MOV10L1: variants seen among roughly 807,000 people sequenced by gnomAD.
MOV10L1 encodes the protein Mov10 like RNA helicase 1.
A neutral mutation model predicts 143.8 loss-of-function variants in MOV10L1; 110 were observed. The observed-to-expected ratio is 0.76, with a 90% CI of 0.66 to 0.90. MOV10L1 has a LOEUF of 0.90. Among genes scored for constraint, MOV10L1 ranks in the 40% least tolerant of loss-of-function variants. MOV10L1 has a pLI of 0.00. For synonymous variants in MOV10L1, 593 were observed against 581.1 expected (o/e 1.02, Z -0.29); for missense variants, 1,406 against 1,526.8 (o/e 0.92, Z 1.32).
At chr22:50,137,489 C>T (rs1188044049) in intron 15 of MOV10L1, among the ~76,000 whole-genome samples, 3 of 151,838 alleles carry the variant, frequency 2.0e-5, no homozygotes, top group Non-Finnish European at 4.4e-5. Context: ...TGCAGTGAGC[C>T]GAGATCGCGC....
intron 1 of MOV10L1, 52 bp from the exon 2 acceptor site, chr22:50,091,949 A>G: frequency 1.3e-6 from 2 of 1,553,326 alleles, no homozygotes; most frequent in Non-Finnish European, 1.8e-6. Flanking sequence ...GGTTCACTGT[A>G]GCGTACGCTT....
intron 11 of MOV10L1, 68 bp downstream of exon 11, chr22:50,125,637 C>CT (rs2062478012): frequency 1.4e-6 from 2 of 1,462,658 alleles, no homozygotes; most frequent in South Asian, 1.3e-5. Context: ...AGAAGATACT[C>CT]TTTAACTGGC....
rs1317589874 is a variant in MOV10L1, at chr22:50,159,524, C to A, written c.3217-154C>A. Among the ~76,000 whole-genome samples the A allele has an allele frequency of 6.6e-6, 1 of 151,992 alleles. No homozygotes were observed. The highest frequency in any genetic ancestry group is 1.9e-4 in the East Asian group (1 of 5,192). ...GGCTGAGGCAGGAGAATTGCTTGAA[C>A]CCGGGAGGCAGAGGTTGCAGTGAGC... On this transcript the variant is annotated intron_variant, in intron 23 of 26. Coordinates refer to ENST00000262794, the MANE Select transcript of MOV10L1 (RefSeq NM_018995.3). The surrounding 1 kb of genome is among the most constrained non-coding windows in gnomAD (Gnocchi z 4.1).
intron 5 of MOV10L1, among the ~76,000 whole-genome samples, chr22:50,109,898 C>G (rs1308879964): frequency 6.6e-6 from 1 of 151,424 alleles, no homozygotes; most frequent in South Asian, 2.1e-4. Flanking sequence ...CGCCTGTAAT[C>G]CCAACGCTTT....
chr22:50,110,326 G>T (rs905015278), intron 5 of MOV10L1, among the ~76,000 whole-genome samples: 3 of 151,380 alleles, frequency 2.0e-5, no homozygotes, highest in African/African-American at 7.3e-5. Flanking sequence ...GCCGGCGCCT[G>T]TAGTCCCAGC....
At chr22:50,141,694 C>T (rs1303235695) in intron 15 of MOV10L1, among the ~76,000 whole-genome samples, 2 of 152,078 alleles carry the variant, frequency 1.3e-5, no homozygotes, top group Non-Finnish European at 2.9e-5. Flanking sequence ...GCACACTCTC[C>T]AGGCCCGTGA....
intron 15 of MOV10L1, among the ~76,000 whole-genome samples, chr22:50,136,134 C>T (rs564605227): frequency 6.6e-6 from 1 of 152,280 alleles, no homozygotes; most frequent in Admixed American, 6.5e-5. Context: ...TGAAAGTCAT[C>T]TGTGGCATAT....
intron 4 of MOV10L1, 118 bp from the exon 5 acceptor site, chr22:50,108,539 C>T (rs151310306): frequency 2.6e-5 from 29 of 1,101,740 alleles, no homozygotes; most frequent in Admixed American, 9.8e-5. Flanking sequence ...TACGGGATGG[C>T]GGACTTGAGC....
Position 50,090,065 on chromosome 22 carries a change from G to C in MOV10L1, c.-24G>C, listed in dbSNP as rs1270945201. 2.0e-5 allele frequency: 25 copies of C among 1,243,136 alleles called. No individual in the cohort carries two copies. The East Asian group carries it at 6.9e-4, about 34-fold the overall frequency. The allele number at this position is 1,243,136 out of a possible 1,614,324, so 77.0% of individuals were successfully genotyped here. On this transcript the variant is annotated 5_prime_UTR_variant, in exon 1 of 27. Transcript: ENST00000262794. ...TGCGGGCGGCGGCAGCGGCGGTGAC[G>C]GCAGCCTAGGCCGGGCGAGGGCCAT...
At chr22:50,150,967 A>G (rs2063285335) in intron 21 of MOV10L1, 68 bp downstream of exon 21, 3 of 1,585,680 alleles carry the variant, frequency 1.9e-6, no homozygotes, top group Non-Finnish European at 8.6e-7. Flanking sequence ...GCAGTCGAGC[A>G]GCTCACTCTT....
At chr22:50,130,560 G>A (rs2062642628) in intron 13 of MOV10L1, among the ~76,000 whole-genome samples, 1 of 148,408 alleles carries the variant, frequency 6.7e-6, no homozygotes, top group African/African-American at 2.5e-5. Flanking sequence ...TGACCAAAGA[G>A]ATACAGGAGG....
At chr22:50,106,351 A>C (rs1244721261) in intron 3 of MOV10L1, among the ~76,000 whole-genome samples, 9 of 77,238 alleles carry the variant, frequency 1.2e-4, no homozygotes, top group Non-Finnish European at 2.9e-4. Flanking sequence ...TTTTTTTTAG[A>C]GATGGGATCT....
At chr22:50,149,319 T>C in intron 19 of MOV10L1, 1 of 377,078 alleles carries the variant, frequency 2.7e-6, no homozygotes, top group East Asian at 5.4e-5. Context: ...TCCTGTGAGC[T>C]GCCCCCAGGA....
intron 8 of MOV10L1, among the ~76,000 whole-genome samples, chr22:50,116,660 CTTTTTTTTTTT>C (rs397867977): frequency 9.6e-6 from 1 of 104,102 alleles, no homozygotes; most frequent in South Asian, 3.4e-4. Context: ...TAGATGCTTA[CTTTTTTTTTTT>C]TTTTTTTTTT....
At chr22:50,129,341 A>G (rs979211826) in intron 13 of MOV10L1, among the ~76,000 whole-genome samples, 3 of 152,196 alleles carry the variant, frequency 2.0e-5, no homozygotes, top group South Asian at 2.1e-4. Context: ...TTAACTAGTC[A>G]TGCACAAAAA....
chr22:50,120,550 A>T lies in MOV10L1; in HGVS notation c.1503A>T (p.Pro501=). 6.2e-7 allele frequency: 1 copy of T among 1,613,850 alleles called. No homozygotes were observed. The highest frequency in any genetic ancestry group is 8.5e-7 in the Non-Finnish European group (1 of 1,179,830). The change falls in exon 10 of 27, where the codon CCA becomes CCT. Residue 501 remains proline, a synonymous_variant. Transcript: ENST00000262794. The part of the protein sequence containing the change: ...LPSFLPQYPI[P]DRLRKCVEQK... ...GTTTTCTTCCCCAATATCCAATCCC[A>T]GATAGACTTAGAAAATGTGTGGAAC...
At chr22:50,119,621 C>G (rs1281583458) in intron 9 of MOV10L1, among the ~76,000 whole-genome samples, 1 of 151,310 alleles carries the variant, frequency 6.6e-6, no homozygotes, top group East Asian at 1.9e-4. Context: ...CCTGGTTTCC[C>G]TTTACCTTGT....
Position 50,144,163 on chromosome 22 carries a change from G to T in MOV10L1, c.2425G>T (p.Val809Leu), listed in dbSNP as rs147541728. 9 of 1,613,462 alleles carry T rather than the reference G, an allele frequency of 5.6e-6. No homozygotes were observed. Among genetic ancestry groups the T allele is most frequent in the Non-Finnish European group, 7.6e-6 (9 of 1,179,520 alleles). The change falls in exon 18 of 27, where the codon GTG becomes TTG. Residue 809 changes from valine (V) to leucine (L), a missense_variant. Coordinates refer to ENST00000262794, the MANE Select transcript of MOV10L1 (RefSeq NM_018995.3). ...GCCCTCCAACAGTGCTGCTGACCTC[G>T]TGTGTCTGCGGCTGCACGAGAGCAA... ...CAPSNSAADL[V>L]CLRLHESKVL... is the part of the protein sequence containing the mutation.
chr22:50,098,408 T>C (rs998762508), intron 2 of MOV10L1, among the ~76,000 whole-genome samples: 1 of 152,200 alleles, frequency 6.6e-6, no homozygotes, highest in Non-Finnish European at 1.5e-5. Context: ...ATTAGTGTCA[T>C]TTTACGTGTC....
Sources: gnomAD v4.1 joint callset for allele counts (sites outside exome capture counted in the v4.1 genomes callset) on GRCh38, gnomAD v4.1.1 for gene constraint, Gnocchi (gnomAD v3.1) non-coding constraint, MANE v1.5 for transcripts, NCBI Gene and HGNC (gene_info 2026-07-23, HGNC 2026-07-21) for gene names.